Variants in CAVIN2 observed in about 807,000 individuals in gnomAD.
CAVIN2 encodes caveolae associated protein 2.
Under a neutral mutation model 11.7 loss-of-function variants are expected in CAVIN2, and 13 were observed. That is an observed-to-expected ratio of 1.11 (90% CI 0.72 to 1.77). CAVIN2 has a LOEUF of 1.77. Among genes scored for constraint, CAVIN2 ranks in the 40% most tolerant of loss-of-function variants. The pLI, the probability that CAVIN2 is intolerant of heterozygous loss-of-function variation, is 0.00. For missense variants in CAVIN2, 549 were observed against 542.9 expected (o/e 1.01, Z -0.11); for synonymous variants, 237 against 223.2 (o/e 1.06, Z -0.55).
intron 1 of CAVIN2, among the ~76,000 whole-genome samples, chr2:191,845,786 GTC>G (rs1690157778): frequency 6.6e-6 from 1 of 152,092 alleles, no homozygotes; most frequent in Non-Finnish European, 1.5e-5. Context: ...AACAGTTGTG[GTC>G]TCTCTGAACA....
At chr2:191,843,347 C>T (rs948239800) in intron 1 of CAVIN2, among the ~76,000 whole-genome samples, 1 of 152,172 alleles carries the variant, frequency 6.6e-6, no homozygotes, top group Admixed American at 6.5e-5. Context: ...TCCTTTCTCG[C>T]TCTCTTATTT....
chr2:191,841,315 A>G (rs952322927), intron 1 of CAVIN2, among the ~76,000 whole-genome samples: 3 of 152,224 alleles, frequency 2.0e-5, no homozygotes. Context: ...CAAAAAAACC[A>G]AAGCACACTG....
At position 191,845,180 on chromosome 2, in the gene CAVIN2, C is replaced by T. The variant is rs1414008027; in HGVS notation, c.483+1263G>A. Among the ~76,000 whole-genome samples the T allele has an allele frequency of 2.6e-5, 4 of 152,204 alleles. No homozygotes were observed. The South Asian group carries it at 8.3e-4, about 32-fold the overall frequency. On this transcript the variant is annotated intron_variant, in intron 1 of 1. Transcript: ENST00000304141. Reference sequence around the variant, plus strand: ...CTGAAAAGTTTTCAGCTGCAAAAGCCTGCAAGGTAGAGGAGGACATAGGCT... The same window carrying T: ...CTGAAAAGTTTTCAGCTGCAAAAGCTTGCAAGGTAGAGGAGGACATAGGCT...
chr2:191,834,690 A>G lies in CAVIN2; in HGVS notation c.*1233T>C, dbSNP rs1689985997. 6.6e-6 allele frequency: 1 copy of G among 152,210 alleles called. No homozygotes were observed. The highest frequency in any genetic ancestry group is 2.4e-5 in the African/African-American group (1 of 41,474). The allele number at this position is 152,210 out of a possible 1,614,324, so 9.4% of individuals were successfully genotyped here. On this transcript the variant is annotated 3_prime_UTR_variant, in exon 2 of 2. Transcript: ENST00000304141. Reference sequence around the variant, plus strand: ...TCTGAATATATGTGTACATATACATAAAACGCTAGCATGCTTTAAGAAGTT... The same window carrying G: ...TCTGAATATATGTGTACATATACATGAAACGCTAGCATGCTTTAAGAAGTT...
Position 191,836,348 on chromosome 2 carries a change from C to T in CAVIN2, c.853G>A (p.Gly285Arg). ...LTSNHQKISSGKSSPFKVSPL... is the reference protein window; with the variant it reads ...LTSNHQKISSRKSSPFKVSPL... Reference sequence around the variant, plus strand: ...GAAACCTTGAAGGGGGAGCTTTTTCCTGAGGATATTTTCTGGTGATTTGAC... The same window carrying T: ...GAAACCTTGAAGGGGGAGCTTTTTCTTGAGGATATTTTCTGGTGATTTGAC... Residue 285 changes from glycine (G) to arginine (R), a missense_variant, in exon 2 of 2, where the codon GGA becomes AGA. Gly to Arg is a moderately radical substitution (Grantham distance 125, BLOSUM62 -2). Transcript: ENST00000304141. The T allele has an allele frequency of 6.2e-7, 1 of 1,614,148 alleles. No homozygotes were observed. The highest frequency in any genetic ancestry group is 1.3e-5 in the African/African-American group (1 of 75,032).
At position 191,846,743 on chromosome 2, in the gene CAVIN2, G is replaced by C. The variant is rs1393139522; in HGVS notation, c.183C>G (p.Leu61=). 1.2e-6 allele frequency: 2 copies of C among 1,614,234 alleles called. No homozygotes were observed. Among genetic ancestry groups the C allele is most frequent in the Non-Finnish European group, 8.5e-7 (1 of 1,180,050 alleles). ...CTAGCATGTTCACCAGCTTGTCCAG[G>C]AGCGTGAGCACCGTGACTGCGTTCA... is the stretch of plus-strand genomic sequence containing the variant. ...SQVNAVTVLT[L]LDKLVNMLDA... The change falls in exon 1 of 2, where the codon CTC becomes CTG. Residue 61 remains leucine (L), a synonymous_variant. Transcript: ENST00000304141.
At chr2:191,844,956 C>T (rs1690144483) in intron 1 of CAVIN2, among the ~76,000 whole-genome samples, 1 of 152,136 alleles carries the variant, frequency 6.6e-6, no homozygotes, top group Non-Finnish European at 1.5e-5. Context: ...CCTTTGGTGT[C>T]TCAGACTTAA....
intron 1 of CAVIN2, among the ~76,000 whole-genome samples, chr2:191,845,557 G>C (rs1238368102): frequency 6.6e-6 from 1 of 152,188 alleles, no homozygotes; most frequent in Non-Finnish European, 1.5e-5. Flanking sequence ...TCCAGCATTA[G>C]GCAGGGCTGC....
chr2:191,839,112 G>C (rs1265698463), intron 1 of CAVIN2, among the ~76,000 whole-genome samples: 1 of 152,200 alleles, frequency 6.6e-6, no homozygotes, highest in Non-Finnish European at 1.5e-5. Context: ...GGTTGAGAAG[G>C]TTTGACAGGA....
chr2:191,836,107 T>A lies in CAVIN2; in HGVS notation c.1094A>T (p.Asn365Ile). ...AAEKATSRGS[N>I]SGMDSNIDLT... ...GTCGATGTTGCTGTCCATCCCCGAG[T>A]TACTCCCCCTGGAGGTCGCCTTCTC... Residue 365 changes from asparagine (N) to isoleucine (I), a missense_variant, in exon 2 of 2, where the codon AAC (asparagine) becomes ATC (isoleucine). Coordinates refer to ENST00000304141, the MANE Select transcript of CAVIN2 (RefSeq NM_004657.6). 2 of 1,614,176 alleles carry A rather than the reference T, an allele frequency of 1.2e-6. No homozygotes were observed. Among genetic ancestry groups the A allele is most frequent in the African/African-American group, 2.7e-5 (2 of 75,046 alleles).
At chr2:191,838,885 CAAG>C (rs1690056370) in intron 1 of CAVIN2, among the ~76,000 whole-genome samples, 1 of 152,164 alleles carries the variant, frequency 6.6e-6, no homozygotes, top group South Asian at 2.1e-4. Context: ...TATAAAAGAA[CAAG>C]TTCAGCTCTG....
chr2:191,839,270 G>C (rs973858376), intron 1 of CAVIN2, among the ~76,000 whole-genome samples: 1 of 152,146 alleles, frequency 6.6e-6, no homozygotes, highest in Admixed American at 6.5e-5. Flanking sequence ...TAATCTCTCA[G>C]GGTAATCAAA....
At position 191,846,737 on chromosome 2, in the gene CAVIN2, G is replaced by C; in HGVS notation, c.189C>G (p.Asp63Glu). ...CAGCGTCTAGCATGTTCACCAGCTT[G>C]TCCAGGAGCGTGAGCACCGTGACTG... ...VNAVTVLTLL[D>E]KLVNMLDAVQ... Residue 63 changes from aspartate (D) to glutamate (E), a missense_variant, in exon 1 of 2, where the codon GAC (aspartate) becomes GAG (glutamate). Coordinates refer to ENST00000304141, the MANE Select transcript of CAVIN2 (RefSeq NM_004657.6). 1 of 1,614,216 alleles carries C rather than the reference G, an allele frequency of 6.2e-7. No individual in the cohort carries two copies. The highest frequency in any genetic ancestry group is 1.7e-5 in the Admixed American group (1 of 60,028).
chr2:191,836,756 T>C lies in CAVIN2; in HGVS notation c.484-39A>G, dbSNP rs753083577. 4 of 1,564,590 alleles carry C rather than the reference T, an allele frequency of 2.6e-6. No individual in the cohort carries two copies. The Admixed American group carries it at 7.3e-5, about 29-fold the overall frequency. ...CAATGTAGGTTTCATGTTAATAACA[T>C]ATTTCACAAATAGTCCTGAGCTGCT... is the stretch of plus-strand genomic sequence containing the variant. On this transcript the variant is annotated intron_variant, in intron 1 of 1. Transcript: ENST00000304141.
rs1258791080 is a variant in CAVIN2, at chr2:191,846,610, A to C, written c.316T>G (p.Ser106Ala). Residue 106 changes from serine to alanine, a missense_variant, in exon 1 of 2, where the codon TCC (serine) becomes GCC (alanine). Physicochemically the swap from Ser to Ala is moderately conservative, Grantham distance 99. Coordinates refer to ENST00000304141, the MANE Select transcript of CAVIN2 (RefSeq NM_004657.6). ...AGCTTGCTCACCGTGTTGCTGGTGG[A>C]GGCCTGGTACTTGGAGAGCTTGGTG... ...DLTKLSKYQA[S>A]TSNTVSKLLE... The C allele has an allele frequency of 2.5e-6, 4 of 1,614,116 alleles. No homozygotes were observed. In the African/African-American group the frequency reaches 5.3e-5, roughly 22 times the overall value.
In CAVIN2 at chr2:191,836,522, T is replaced by C. The variant is rs1191766225; in HGVS notation, c.679A>G (p.Arg227Gly). 1.2e-6 allele frequency: 2 copies of C among 1,614,080 alleles called. No homozygotes were observed. Among genetic ancestry groups the C allele is most frequent in the Non-Finnish European group, 1.7e-6 (2 of 1,180,044 alleles). ...DSAEEKVEES[R>G]AEKIKRSSLK... ...CTGGATCTTTTTATTTTCTCTGCCC[T>C]ACTTTCTTCCACCTTTTCCTCGGCA... Residue 227 changes from arginine to glycine, a missense_variant, in exon 2 of 2, where the codon AGG becomes GGG. Arg to Gly is a moderately radical substitution (Grantham distance 125). Transcript: ENST00000304141.
chr2:191,836,541 C>T lies in CAVIN2; in HGVS notation c.660G>A (p.Glu220=), dbSNP rs761682993. 26 of 1,613,946 alleles carry T rather than the reference C, an allele frequency of 1.6e-5. No homozygotes were observed. In the South Asian group the frequency reaches 2.4e-4, roughly 15 times the overall value. ...HDEEALEDSA[E]EKVEESRAEK... ...CTGCCCTACTTTCTTCCACCTTTTCCTCGGCACTGTCTTCCAGGGCCTCCT... is the reference window on the plus strand; with the variant it reads ...CTGCCCTACTTTCTTCCACCTTTTCTTCGGCACTGTCTTCCAGGGCCTCCT... Residue 220 remains glutamate, a synonymous_variant, in exon 2 of 2, where the codon GAG becomes GAA. Transcript: ENST00000304141.
At position 191,836,451 on chromosome 2, in the gene CAVIN2, G is replaced by GT; in HGVS notation, c.749dup (p.Asn250LysfsTer23). The GT allele has an allele frequency of 6.2e-7, 1 of 1,614,092 alleles. No individual in the cohort carries two copies. Among genetic ancestry groups the GT allele is most frequent in the South Asian group, 1.1e-5 (1 of 91,076 alleles). On this transcript the variant is annotated frameshift_variant, in exon 2 of 2. Coordinates refer to ENST00000304141, the MANE Select transcript of CAVIN2 (RefSeq NM_004657.6). LOFTEE classifies it low-confidence loss of function (END_TRUNC). The stretch of plus-strand genomic sequence containing the variant: ...CCAGCTTGTTCATCTTTTTCTCGAT[G>GT]TTCTGGCGAGAAAATGCTTTCTTGA...
chr2:191,845,538 G>A (rs550176828), intron 1 of CAVIN2, among the ~76,000 whole-genome samples: 13 of 152,308 alleles, frequency 8.5e-5, no homozygotes, highest in Admixed American at 3.3e-4. Flanking sequence ...TCCACTGGGC[G>A]GAAGGGCTTC....
Sources: allele counts gnomAD v4.1 joint callset (sites outside exome capture counted in the v4.1 genomes callset), GRCh38; gene constraint gnomAD v4.1.1; transcripts MANE v1.5; gene names NCBI Gene and HGNC (gene_info 2026-07-23, HGNC 2026-07-21).